Variants in DMBT1 observed in about 807,000 individuals in gnomAD.
DMBT1 encodes deleted in malignant brain tumors 1.
A neutral mutation model predicts 252.9 loss-of-function variants in DMBT1; 198 were observed. That is an observed-to-expected ratio of 0.78 (90% CI 0.70 to 0.88). The LOEUF is 0.88. Ranked by LOEUF, DMBT1 falls within the 40% of genes least tolerant of loss-of-function variation. DMBT1 has a pLI of 0.00. For synonymous variants in DMBT1, 990 were observed against 942.7 expected (o/e 1.05, Z -0.92); for missense variants, 2,432 against 2,404.7 (o/e 1.01, Z -0.24).
chr10:122,566,700 C>T (rs1200903270), intron 2 of DMBT1, among the ~76,000 whole-genome samples: 1 of 152,136 alleles, frequency 6.6e-6, no homozygotes, highest in East Asian at 1.9e-4. Context: ...AAATGATTTT[C>T]ATGTATGAAA....
intron 8 of DMBT1, among the ~76,000 whole-genome samples, chr10:122,578,394 T>C (rs1327648656): frequency 6.6e-6 from 1 of 152,164 alleles, no homozygotes; most frequent in Non-Finnish European, 1.5e-5. Flanking sequence ...ACATTTTAGC[T>C]GCAAGTGTCA....
intron 52 of DMBT1, among the ~76,000 whole-genome samples, chr10:122,634,757 A>G (rs537647981): frequency 9.9e-5 from 15 of 152,212 alleles, no homozygotes; most frequent in African/African-American, 3.1e-4. Context: ...TCGGCCTCCC[A>G]AAGTGCTGGG....
intron 1 of DMBT1, among the ~76,000 whole-genome samples, chr10:122,565,313 C>CT (rs969039077): frequency 5.9e-5 from 9 of 151,944 alleles, no homozygotes; most frequent in East Asian, 1.9e-4. Context: ...GAGTTTTATC[C>CT]TTTTTTTTAA....
At chr10:122,631,636 T>C (rs527552697) in intron 49 of DMBT1, among the ~76,000 whole-genome samples, 6 of 152,274 alleles carry the variant, frequency 3.9e-5, no homozygotes, top group African/African-American at 1.4e-4. Context: ...ATGGGTGTTA[T>C]GACCTCAGCT....
rs1170947455 is a variant in DMBT1, at chr10:122,565,960, T to G, written c.62-7T>G. On this transcript the variant is annotated splice_polypyrimidine_tract_variant and splice_region_variant and intron_variant, in intron 1 of 55. Transcript: ENST00000338354. The stretch of plus-strand genomic sequence containing the variant: ...GTGTTTCTAAGACGAATTTGTGTTC[T>G]TTCCAGGTGGGTGGATCCCAAGGAC... 4 of 1,613,784 alleles carry G rather than the reference T, an allele frequency of 2.5e-6. No individual in the cohort carries two copies. In the African/African-American group the frequency reaches 4.0e-5, roughly 16 times the overall value.
Position 122,592,456 on chromosome 10 carries a change from GT to G in DMBT1, c.2364del (p.Phe788LeufsTer75), listed in dbSNP as rs1239798753. On this transcript the variant is annotated frameshift_variant, in exon 20 of 56. Transcript: ENST00000338354. LOFTEE classifies it high-confidence loss of function. ...WATSAPGNARFGQGSGPIVLD... is the reference protein window; with the variant it reads ...WATSAPGNARXGQGSGPIVLD... ...CCACGTCGGCCCCAGGAAATGCCCG[GT>G]TTGGCCAGGGCTCAGGACCCATTGT... 8.2e-6 allele frequency: 13 copies of G among 1,588,156 alleles called. No individual in the cohort carries two copies. Among genetic ancestry groups the G allele is most frequent in the Non-Finnish European group, 1.1e-5 (13 of 1,165,724 alleles).
rs541258204 is a variant in DMBT1 at position 122,617,085 on chromosome 10, C to T, written c.4859-143C>T. 1.5e-4 allele frequency: 148 copies of T among 991,874 alleles called. 1 individual carries two copies. The African/African-American group carries it at 2.3e-3, about 16-fold the overall frequency. 61.4% of individuals were successfully genotyped at this position (991,874 alleles called of 1,614,324 possible). The stretch of plus-strand genomic sequence containing the variant: ...ATGGATGAGTTCACAGCAGAGGAGA[C>T]CTGGGAAGACACATGGGAAGCAAGT... On this transcript the variant is annotated intron_variant, in intron 39 of 55. Transcript: ENST00000338354.
In DMBT1 at chr10:122,618,252, A is replaced by T. The variant is rs2098019433; in HGVS notation, c.5127A>T (p.Gly1709=). 2 of 1,613,726 alleles carry T rather than the reference A, an allele frequency of 1.2e-6. No individual in the cohort carries two copies. Residue 1709 remains glycine, a synonymous_variant, in exon 41 of 56, where the codon GGA becomes GGT. Coordinates refer to ENST00000338354, the MANE Select transcript of DMBT1 (RefSeq NM_001377530.1). ...PIVLDDVRCS[G]HESYLWSCPH... is the part of the protein sequence containing the mutation. Reference sequence around the variant, plus strand: ...TCCTGGATGATGTGCGCTGCTCAGGACACGAGTCTTACCTGTGGAGCTGCC... The same window carrying T: ...TCCTGGATGATGTGCGCTGCTCAGGTCACGAGTCTTACCTGTGGAGCTGCC...
At chr10:122,631,716 A>G (rs1186433329) in intron 49 of DMBT1, 139 bp from the exon 50 acceptor site, 1 of 806,804 alleles carries the variant, frequency 1.2e-6, no homozygotes, top group Non-Finnish European at 2.0e-6. Flanking sequence ...GCTTCTCAAT[A>G]GCAATTGCTG....
intron 54 of DMBT1, among the ~76,000 whole-genome samples, chr10:122,639,158 T>C (rs1482891450): frequency 6.6e-6 from 1 of 152,230 alleles, no homozygotes; most frequent in African/African-American, 2.4e-5. Context: ...CTGCACTCCA[T>C]GTTCATTATT....
At position 122,591,353 on chromosome 10, in the gene DMBT1, G is replaced by C; in HGVS notation, c.2138-126G>C. ...GCTACAGACTTGGGCAGACACATGG[G>C]GAGCAAGTGGCAGGAACTAGAAATG... On this transcript the variant is annotated intron_variant, in intron 18 of 55. Transcript: ENST00000338354. 1.8e-6 allele frequency: 2 copies of C among 1,118,936 alleles called. 1 individual carries two copies. The highest frequency in any genetic ancestry group is 2.6e-5 in the South Asian group (2 of 75,554). 69.3% of individuals were successfully genotyped at this position (1,118,936 alleles called of 1,614,324 possible).
At chr10:122,633,047 T>C in intron 51 of DMBT1, 144 bp from the exon 52 acceptor site, 1 of 1,493,546 alleles carries the variant, frequency 6.7e-7, no homozygotes, top group South Asian at 1.3e-5. Context: ...GGTCCAGATC[T>C]AGGCCACCTC....
At chr10:122,633,030 A>C in intron 51 of DMBT1, 140 bp downstream of exon 51, 1 of 1,512,946 alleles carries the variant, frequency 6.6e-7, no homozygotes, top group Non-Finnish European at 9.0e-7. Flanking sequence ...GCCAGCCCTC[A>C]GTGGACGGTC....
Position 122,576,474 on chromosome 10 carries a change from G to T in DMBT1, c.359G>T (p.Arg120Leu), listed in dbSNP as rs568734194. The part of the protein sequence containing the change: ...RCQGRVEILY[R>L]GSWGTVCDDS... ...CAGGGCCGAGTGGAGATCCTATACC[G>T]AGGCTCCTGGGGCACCGTGTGTGAT... Residue 120 changes from arginine to leucine, a missense_variant, in exon 7 of 56, where the codon CGA becomes CTA. Arg to Leu is a moderately radical substitution (Grantham distance 102). Coordinates refer to ENST00000338354, the MANE Select transcript of DMBT1 (RefSeq NM_001377530.1). 4 of 1,613,842 alleles carry T rather than the reference G, an allele frequency of 2.5e-6. No homozygotes were observed. The highest frequency in any genetic ancestry group is 3.4e-6 in the Non-Finnish European group (4 of 1,179,876).
Position 122,586,361 on chromosome 10 carries a change from A to G in DMBT1, c.1761A>G (p.Glu587=), listed in dbSNP as rs370512626. The change falls in exon 16 of 56, where the codon GAA becomes GAG. Residue 587 remains glutamate, a synonymous_variant. Transcript: ENST00000338354. The part of the protein sequence containing the change: ...GWLSHNCGHS[E]DAGVICSGPE... Reference sequence around the variant, plus strand: ...TCTCCCATAACTGTGGCCATAGTGAAGACGCTGGTGTCATCTGCTCAGGTG... The same window carrying G: ...TCTCCCATAACTGTGGCCATAGTGAGGACGCTGGTGTCATCTGCTCAGGTG... 1 of 1,588,478 alleles carries G rather than the reference A, an allele frequency of 6.3e-7. No individual in the cohort carries two copies. Among genetic ancestry groups the G allele is most frequent in the African/African-American group, 1.3e-5 (1 of 74,514 alleles).
Position 122,579,652 on chromosome 10 carries a change from C to G in DMBT1, c.754C>G (p.Arg252Gly). Reference sequence around the variant, plus strand: ...TCGAGGCCGAGTGGAGGTCCTATACCGAGGCTCCTGGGGCACCGTGTGTGA... The same window carrying G: ...TCGAGGCCGAGTGGAGGTCCTATACGGAGGCTCCTGGGGCACCGTGTGTGA... ...RCRGRVEVLYRGSWGTVCDDY... is the reference protein window; with the variant it reads ...RCRGRVEVLYGGSWGTVCDDY... The change falls in exon 10 of 56, where the codon CGA becomes GGA. Residue 252 changes from arginine to glycine, a missense_variant. This residue lies in a region of DMBT1 where 1,264 missense variants were observed against 1,082.2 expected (regional missense o/e 1.17). Transcript: ENST00000338354. 1 of 1,613,714 alleles carries G rather than the reference C, an allele frequency of 6.2e-7. No homozygotes were observed. Among genetic ancestry groups the G allele is most frequent in the Non-Finnish European group, 8.5e-7 (1 of 1,179,772 alleles).
chr10:122,642,409 C>A (rs1348401937), intron 55 of DMBT1, among the ~76,000 whole-genome samples: 1 of 152,160 alleles, frequency 6.6e-6, no homozygotes, highest in Non-Finnish European at 1.5e-5. Flanking sequence ...CAAAATCCCA[C>A]CAATCTATAA....
At position 122,621,257 on chromosome 10, in the gene DMBT1, G is replaced by A; in HGVS notation, c.5485G>A (p.Gly1829Arg). The A allele has an allele frequency of 6.2e-7, 1 of 1,613,848 alleles. No individual in the cohort carries two copies. Among genetic ancestry groups the A allele is most frequent in the African/African-American group, 1.3e-5 (1 of 75,050 alleles). Residue 1829 changes from glycine (G) to arginine (R), a missense_variant, in exon 44 of 56, where the codon GGA becomes AGA. This residue lies in a region of DMBT1 where 1,162 missense variants were observed against 1,169.0 expected (regional missense o/e 0.99). Coordinates refer to ENST00000338354, the MANE Select transcript of DMBT1 (RefSeq NM_001377530.1). Reference protein sequence around the residue: ...PGNARFGQGSGPIVLDDVRCS... With the variant: ...PGNARFGQGSRPIVLDDVRCS... ...AAATGCCCGGTTTGGCCAGGGCTCA[G>A]GACCCATTGTCCTGGATGATGTGCG...
rs1018216577 is a variant in DMBT1 at position 122,617,910 on chromosome 10, T to C, written c.4892-107T>C. On this transcript the variant is annotated intron_variant, in intron 40 of 55. Transcript: ENST00000338354. Reference sequence around the variant, plus strand: ...AGCAGTTGTATGCAATTGTGACTGCTTGCCCAGGTGACTCTGGCCATTAGG... The same window carrying C: ...AGCAGTTGTATGCAATTGTGACTGCCTGCCCAGGTGACTCTGGCCATTAGG... 7.1e-6 allele frequency: 11 copies of C among 1,547,318 alleles called. No homozygotes were observed. In the African/African-American group the frequency reaches 1.5e-4, roughly 21 times the overall value.
Sources: gnomAD v4.1 joint callset for allele counts (sites outside exome capture counted in the v4.1 genomes callset) on GRCh38, gnomAD v4.1.1 for gene constraint, gnomAD v4.1.1 regional missense constraint, MANE v1.5 for transcripts, NCBI Gene and HGNC (gene_info 2026-07-23, HGNC 2026-07-21) for gene names.